RGS7BP: variants seen among roughly 807,000 people sequenced by gnomAD.
RGS7BP encodes regulator of G protein signaling 7 binding protein.
In RGS7BP, 9 loss-of-function variants were observed where a neutral mutation model predicts 31.3. The ratio of observed to expected loss-of-function variants is 0.29; its 90% CI spans 0.17 to 0.50. The LOEUF (loss-of-function observed/expected upper bound fraction) is 0.50. Ranked by LOEUF, RGS7BP falls within the 20% of genes least tolerant of loss-of-function variation. The probability of loss-of-function intolerance (pLI) is 0.98; values close to 1 mark genes in which losing one functional copy is unlikely to be tolerated. For synonymous variants in RGS7BP, 115 were observed against 120.1 expected (o/e 0.96, Z 0.28); for missense variants, 274 against 322.0 (o/e 0.85, Z 1.14).
At chr5:64,520,161 G>T (rs1479614498) in intron 2 of RGS7BP, among the ~76,000 whole-genome samples, 1 of 152,174 alleles carries the variant, frequency 6.6e-6, no homozygotes, top group East Asian at 1.9e-4. Context: ...GGTGGAGCTG[G>T]AGTTTGAACA....
intron 5 of RGS7BP, among the ~76,000 whole-genome samples, chr5:64,605,117 T>C (rs1743320440): frequency 6.6e-6 from 1 of 152,152 alleles, no homozygotes; most frequent in Admixed American, 6.5e-5. Context: ...TTTTTTTACT[T>C]TCTCCTGTGC....
chr5:64,540,246 A>T (rs1294368689), intron 2 of RGS7BP, among the ~76,000 whole-genome samples: 2 of 152,184 alleles, frequency 1.3e-5, no homozygotes, highest in Non-Finnish European at 2.9e-5. Flanking sequence ...TTAAAATTAC[A>T]TCCTCAAGTA....
intron 2 of RGS7BP, among the ~76,000 whole-genome samples, chr5:64,527,940 A>G (rs1359551159): frequency 6.6e-6 from 1 of 152,172 alleles, no homozygotes; most frequent in South Asian, 2.1e-4. Flanking sequence ...GAGAGAAAAA[A>G]TCTATCCACA....
At chr5:64,590,275 A>G (rs2111945207) in intron 3 of RGS7BP, among the ~76,000 whole-genome samples, 2 of 152,244 alleles carry the variant, frequency 1.3e-5, no homozygotes. Flanking sequence ...TTTCGGTCAT[A>G]TAAAAACTAA....
intron 2 of RGS7BP, among the ~76,000 whole-genome samples, chr5:64,558,756 A>C (rs1242938913): frequency 6.6e-6 from 1 of 152,132 alleles, no homozygotes; most frequent in East Asian, 1.9e-4. Flanking sequence ...TTTCCCCAGT[A>C]AGGAATATTA....
At chr5:64,553,521 C>A (rs1741846773) in intron 2 of RGS7BP, among the ~76,000 whole-genome samples, 1 of 151,920 alleles carries the variant, frequency 6.6e-6, no homozygotes, top group Non-Finnish European at 1.5e-5. Flanking sequence ...TCTTTTCTTT[C>A]AAAATGACAC....
At chr5:64,575,693 T>C in intron 2 of RGS7BP, 81 bp from the exon 3 acceptor site, 4 of 1,503,892 alleles carry the variant, frequency 2.7e-6, no homozygotes, top group Non-Finnish European at 3.5e-6. Flanking sequence ...TTGAGCATTT[T>C]TCCCTCTCGG....
intron 2 of RGS7BP, among the ~76,000 whole-genome samples, chr5:64,534,001 T>C (rs1288817308): frequency 6.6e-6 from 1 of 152,190 alleles, no homozygotes; most frequent in East Asian, 1.9e-4. Flanking sequence ...AAGTGGGATG[T>C]GTATAAGGAC....
chr5:64,520,814 A>G (rs1749089784), intron 2 of RGS7BP, among the ~76,000 whole-genome samples: 1 of 152,184 alleles, frequency 6.6e-6, no homozygotes, highest in Non-Finnish European at 1.5e-5. Context: ...AATGGTAGGA[A>G]GTGCTGGAAG....
chr5:64,541,952 G>T (rs1580413239), intron 2 of RGS7BP, among the ~76,000 whole-genome samples: 3 of 151,422 alleles, frequency 2.0e-5, no homozygotes, highest in Non-Finnish European at 2.9e-5. Flanking sequence ...TTCTATTCTA[G>T]TTTTTTTTAC....
intron 5 of RGS7BP, among the ~76,000 whole-genome samples, chr5:64,604,017 G>A (rs929602588): frequency 3.9e-5 from 6 of 152,180 alleles, no homozygotes; most frequent in African/African-American, 1.4e-4. Context: ...AAAGAGAGGT[G>A]GCAAGTGCAA....
chr5:64,510,934 G>A (rs35713294), intron 2 of RGS7BP, among the ~76,000 whole-genome samples: 4,538 of 152,310 alleles, frequency 0.03, 137 homozygotes, highest in Non-Finnish European at 0.044. Context: ...GGAAAGGCAG[G>A]ACTTGAAGGA....
intron 3 of RGS7BP, among the ~76,000 whole-genome samples, chr5:64,587,110 C>T (rs990875295): frequency 6.6e-6 from 1 of 152,038 alleles, no homozygotes; most frequent in Non-Finnish European, 1.5e-5. Context: ...AAAACCTGAG[C>T]GATCGTATAG....
intron 2 of RGS7BP, among the ~76,000 whole-genome samples, chr5:64,574,382 A>G (rs1742369544): frequency 1.3e-5 from 2 of 152,042 alleles, no homozygotes; most frequent in Non-Finnish European, 1.5e-5. Context: ...AGTGGAAGGC[A>G]TCTATGGGAG....
At chr5:64,563,428 G>A (rs1445841579) in intron 2 of RGS7BP, among the ~76,000 whole-genome samples, 1 of 152,124 alleles carries the variant, frequency 6.6e-6, no homozygotes, top group Non-Finnish European at 1.5e-5. Flanking sequence ...TCTTACTGGA[G>A]TAGAGTGGGC....
At chr5:64,567,326 T>G (rs187551712) in intron 2 of RGS7BP, among the ~76,000 whole-genome samples, 1 of 152,270 alleles carries the variant, frequency 6.6e-6, no homozygotes, top group East Asian at 1.9e-4. Context: ...CAATCGGGTA[T>G]TCTATAACTA....
chr5:64,556,519 G>A (rs1446815881), intron 2 of RGS7BP, among the ~76,000 whole-genome samples: 3 of 150,574 alleles, frequency 2.0e-5, no homozygotes, highest in African/African-American at 7.3e-5. Flanking sequence ...GGTTAGTTTG[G>A]AAAATTTGTT....
chr5:64,536,628 C>A (rs1741370358), intron 2 of RGS7BP, among the ~76,000 whole-genome samples: 1 of 152,142 alleles, frequency 6.6e-6, no homozygotes, highest in Non-Finnish European at 1.5e-5. Context: ...TTTAACTGAC[C>A]TTCACTTACG....
At chr5:64,556,382 A>G (rs1218968834) in intron 2 of RGS7BP, among the ~76,000 whole-genome samples, 2 of 134,332 alleles carry the variant, frequency 1.5e-5, no homozygotes, top group South Asian at 2.7e-4. Flanking sequence ...TGATATCGTG[A>G]TAAGTAAAAA....
Sources: gnomAD v4.1 joint callset for allele counts (sites outside exome capture counted in the v4.1 genomes callset) on GRCh38, gnomAD v4.1.1 for gene constraint, MANE v1.5 for transcripts, NCBI Gene and HGNC (gene_info 2026-07-23, HGNC 2026-07-21) for gene names.